CERS6: variants seen among roughly 807,000 people sequenced by gnomAD.
CERS6 encodes the protein ceramide synthase 6, also known as LAG1 homolog, ceramide synthase 6.
CERS6 carries 26 observed loss-of-function variants against 56.8 expected under a neutral mutation model. The observed-to-expected ratio is 0.46, with a 90% CI of 0.34 to 0.63. The LOEUF is 0.63. Ranked by LOEUF, CERS6 falls within the 30% of genes least tolerant of loss-of-function variation. The pLI is 0.01. For missense variants in CERS6, 415 were observed against 467.5 expected (o/e 0.89, Z 1.04); for synonymous variants, 164 against 173.3 (o/e 0.95, Z 0.42).
chr2:168,497,817 A>T (rs547088002), intron 1 of CERS6, among the ~76,000 whole-genome samples: 33 of 152,302 alleles, frequency 2.2e-4, no homozygotes, highest in African/African-American at 7.9e-4. Flanking sequence ...TGGTTGCTGC[A>T]TAGAGGGGAG....
At position 168,552,371 on chromosome 2, in the gene CERS6, CA is replaced by C. The variant is rs1254301645; in HGVS notation, c.276+4671del. Among the ~76,000 whole-genome samples the C allele has an allele frequency of 1.1e-4, 13 of 119,544 alleles. No homozygotes were observed. The Admixed American group carries it at 1.2e-3, about 11-fold the overall frequency. 78.4% of individuals were successfully genotyped at this position (119,544 alleles called of 152,430 possible). ...GTATACACACACACACACACACACA[CA>C]CACACACACACACACACACTACACA... is the stretch of plus-strand genomic sequence containing the variant. On this transcript the variant is annotated intron_variant, in intron 2 of 9. Coordinates refer to ENST00000305747, the MANE Select transcript of CERS6 (RefSeq NM_203463.3).
chr2:168,729,029 A>G (rs1311340671), intron 8 of CERS6, among the ~76,000 whole-genome samples: 1 of 151,670 alleles, frequency 6.6e-6, no homozygotes, highest in Non-Finnish European at 1.5e-5. Flanking sequence ...AAAAAAAAAA[A>G]AGGTGCATTG....
At chr2:168,680,012 A>G (rs1205775687) in intron 4 of CERS6, among the ~76,000 whole-genome samples, 1 of 152,198 alleles carries the variant, frequency 6.6e-6, no homozygotes, top group East Asian at 1.9e-4. Flanking sequence ...TAAATATTGG[A>G]AGTAATTTAC....
chr2:168,651,325 T>G (rs1482661978), intron 4 of CERS6, among the ~76,000 whole-genome samples: 2 of 152,206 alleles, frequency 1.3e-5, no homozygotes, highest in African/African-American at 4.8e-5. Context: ...CATGTTTATT[T>G]TCCAAAGTAG....
intron 1 of CERS6, among the ~76,000 whole-genome samples, chr2:168,464,211 T>TGTGTGA (rs938428488): frequency 8.7e-5 from 13 of 149,058 alleles, no homozygotes; most frequent in Admixed American, 5.3e-4. Context: ...TGTGTGTGTG[T>TGTGTGA]GACAAGGGTC....
chr2:168,718,674 G>T (rs1464943902), intron 8 of CERS6, among the ~76,000 whole-genome samples: 1 of 152,162 alleles, frequency 6.6e-6, no homozygotes, highest in East Asian at 1.9e-4. Flanking sequence ...GACCAAGAGG[G>T]ATTCCTGCTC....
intron 6 of CERS6, among the ~76,000 whole-genome samples, chr2:168,705,204 G>C (rs1686908490): frequency 6.6e-6 from 1 of 152,128 alleles, no homozygotes; most frequent in African/African-American, 2.4e-5. Flanking sequence ...AGTCATACTT[G>C]CTTTATAGGG....
intron 4 of CERS6, among the ~76,000 whole-genome samples, chr2:168,674,283 T>C (rs1685998114): frequency 6.6e-6 from 1 of 152,210 alleles, no homozygotes; most frequent in Admixed American, 6.5e-5. Flanking sequence ...TTTTTAAAAA[T>C]AGATGACTTG....
chr2:168,685,221 A>G (rs1202334572), intron 4 of CERS6, among the ~76,000 whole-genome samples: 1 of 152,188 alleles, frequency 6.6e-6, no homozygotes, highest in East Asian at 1.9e-4. Context: ...CACCTTTTAC[A>G]TCTTTGATGA....
chr2:168,514,132 T>A (rs1694844872), intron 1 of CERS6, among the ~76,000 whole-genome samples: 1 of 152,190 alleles, frequency 6.6e-6, no homozygotes, highest in East Asian at 1.9e-4. Context: ...CTGGAAAAAA[T>A]TAAATGTTTT....
intron 3 of CERS6, among the ~76,000 whole-genome samples, chr2:168,579,484 G>A (rs961318511): frequency 3.3e-5 from 5 of 151,980 alleles, no homozygotes; most frequent in African/African-American, 9.7e-5. Context: ...CCTTCCTTGC[G>A]TGCCATGCTC....
chr2:168,547,447 G>A, intron 1 of CERS6, 149 bp from the exon 2 acceptor site: 1 of 568,540 alleles, frequency 1.8e-6, no homozygotes, highest in Non-Finnish European at 3.1e-6. Context: ...CTGCCTTACA[G>A]TTACTGACAG....
intron 8 of CERS6, among the ~76,000 whole-genome samples, chr2:168,728,934 C>T (rs1186855276): frequency 6.2e-5 from 9 of 146,322 alleles, no homozygotes; most frequent in East Asian, 4.1e-4. Context: ...TGCCAGAACC[C>T]GGGATGCGGA....
intron 3 of CERS6, among the ~76,000 whole-genome samples, chr2:168,597,798 C>T (rs1683835999): frequency 6.6e-6 from 1 of 152,136 alleles, no homozygotes; most frequent in Non-Finnish European, 1.5e-5. Flanking sequence ...GTATTTGCAC[C>T]TTTGACATCA....
chr2:168,765,348 C>T (rs114107323), intron 8 of CERS6, among the ~76,000 whole-genome samples: 1,970 of 152,296 alleles, frequency 0.013, 48 homozygotes, highest in African/African-American at 0.043. Context: ...TTTATTTTAT[C>T]ATTTTTAAAG....
intron 3 of CERS6, among the ~76,000 whole-genome samples, chr2:168,609,974 GTTTT>G (rs5836191): frequency 0.02 from 1,847 of 93,842 alleles, 47 homozygotes; most frequent in East Asian, 0.18. Context: ...AGATGTGACT[GTTTT>G]TTTTTTTTTT....
chr2:168,572,323 AG>A (rs1696003976), intron 3 of CERS6, among the ~76,000 whole-genome samples: 1 of 152,150 alleles, frequency 6.6e-6, no homozygotes, highest in Non-Finnish European at 1.5e-5. Flanking sequence ...TATACAGTTC[AG>A]TTGCTGTGAT....
chr2:168,522,509 G>A (rs995253756), intron 1 of CERS6, among the ~76,000 whole-genome samples: 2 of 151,866 alleles, frequency 1.3e-5, no homozygotes, highest in Non-Finnish European at 1.5e-5. Context: ...ATTGAAGTTA[G>A]GAATTGGCTC....
intron 1 of CERS6, among the ~76,000 whole-genome samples, chr2:168,492,538 CA>C: frequency 6.6e-6 from 1 of 152,146 alleles, no homozygotes; most frequent in Non-Finnish European, 1.5e-5. Context: ...GGATAGATTG[CA>C]AAAATTTTCT....
Sources: gnomAD v4.1 joint callset for allele counts (sites outside exome capture counted in the v4.1 genomes callset) on GRCh38, gnomAD v4.1.1 for gene constraint, MANE v1.5 for transcripts, NCBI Gene and HGNC (gene_info 2026-07-23, HGNC 2026-07-21) for gene names.